Variants in SDK1 observed in about 807,000 individuals in gnomAD.
SDK1 encodes the protein protein sidekick-1.
SDK1 carries 157 observed loss-of-function variants against 245.5 expected under a neutral mutation model. The ratio of observed to expected loss-of-function variants is 0.64; its 90% CI spans 0.56 to 0.73. SDK1 has a LOEUF of 0.73. Ranked by LOEUF, SDK1 falls within the 30% of genes least tolerant of loss-of-function variation. The pLI is 0.00. For missense variants in SDK1, 3,583 were observed against 3,002.3 expected (o/e 1.19, Z -4.52); for synonymous variants, 1,647 against 1,278.5 (o/e 1.29, Z -6.15).
At chr7:3,720,157 G>A (rs1400558360) in intron 4 of SDK1, among the ~76,000 whole-genome samples, 1 of 152,162 alleles carries the variant, frequency 6.6e-6, no homozygotes, top group East Asian at 1.9e-4. Context: ...TCGGGAGGCT[G>A]AGGGAGGGGA....
At chr7:4,140,814 A>G (rs960795979) in intron 28 of SDK1, among the ~76,000 whole-genome samples, 3 of 152,316 alleles carry the variant, frequency 2.0e-5, no homozygotes, top group African/African-American at 7.2e-5. Context: ...AAAAATGATT[A>G]ATAGAGGCCA....
intron 1 of SDK1, among the ~76,000 whole-genome samples, chr7:3,321,783 T>TCCTTCCTTCCTA (rs1779816126): frequency 2.0e-5 from 1 of 49,898 alleles, no homozygotes; most frequent in Admixed American, 2.0e-4. Flanking sequence ...TCCTTCTCCT[T>TCCTTCCTTCCTA]CCTTCCTTCC....
At chr7:3,533,476 G>C (rs919466485) in intron 1 of SDK1, among the ~76,000 whole-genome samples, 1 of 152,168 alleles carries the variant, frequency 6.6e-6, no homozygotes, top group Non-Finnish European at 1.5e-5. Context: ...CAGGCAGTAA[G>C]GGCTTATGTT....
At chr7:4,063,286 A>C (rs1280768249) in intron 19 of SDK1, among the ~76,000 whole-genome samples, 1 of 152,250 alleles carries the variant, frequency 6.6e-6, no homozygotes, top group East Asian at 1.9e-4. Flanking sequence ...AAAAATCAGT[A>C]GCATTTCTAT....
intron 1 of SDK1, among the ~76,000 whole-genome samples, chr7:3,379,961 C>T (rs1432943462): frequency 1.3e-5 from 2 of 152,152 alleles, no homozygotes; most frequent in African/African-American, 4.8e-5. Context: ...AATCCAAAGG[C>T]TCTCTGGTCC....
At chr7:4,258,166 A>G (rs117201852) in intron 44 of SDK1, among the ~76,000 whole-genome samples, 2,768 of 152,302 alleles carry the variant, frequency 0.018, 56 homozygotes, top group South Asian at 0.11. Context: ...CCGTGAAGGA[A>G]ATGGTATAAA....
intron 4 of SDK1, among the ~76,000 whole-genome samples, chr7:3,751,304 C>A (rs1380437917): frequency 6.6e-6 from 1 of 152,166 alleles, no homozygotes; most frequent in African/African-American, 2.4e-5. Context: ...AGGATGATGC[C>A]CCTCTTTACT....
At position 3,517,726 on chromosome 7, in the gene SDK1, G is replaced by T. The variant is rs558597785; in HGVS notation, c.299-101354G>T. Reference sequence around the variant, plus strand: ...CTGTTCTGTGTTGTATCATCTGTTCGCCTTGAATTGTATTGCCACTAGTGC... The same window carrying T: ...CTGTTCTGTGTTGTATCATCTGTTCTCCTTGAATTGTATTGCCACTAGTGC... On this transcript the variant is annotated intron_variant, in intron 1 of 44. Coordinates refer to ENST00000404826, the MANE Select transcript of SDK1 (RefSeq NM_152744.4). Among the ~76,000 whole-genome samples, 19 of 152,144 alleles carry T rather than the reference G, an allele frequency of 1.2e-4. No homozygotes were observed. In the South Asian group the frequency reaches 1.5e-3, roughly 12 times the overall value.
chr7:4,144,344 C>T (rs999470618), intron 28 of SDK1, among the ~76,000 whole-genome samples: 27 of 152,114 alleles, frequency 1.8e-4, no homozygotes, highest in Non-Finnish European at 1.2e-4. Flanking sequence ...GCAGCGGCTG[C>T]GACAGCCACT....
At chr7:3,910,283 A>G (rs1276931630) in intron 5 of SDK1, among the ~76,000 whole-genome samples, 1 of 152,238 alleles carries the variant, frequency 6.6e-6, no homozygotes, top group Non-Finnish European at 1.5e-5. Flanking sequence ...CTGTGCTGCC[A>G]CATCACCACA....
intron 22 of SDK1, among the ~76,000 whole-genome samples, chr7:4,083,113 G>A (rs1428337776): frequency 6.6e-6 from 1 of 152,114 alleles, no homozygotes; most frequent in Non-Finnish European, 1.5e-5. Flanking sequence ...TTGACATACA[G>A]GTTTAAACTG....
At chr7:3,886,851 G>T (rs1233750689) in intron 5 of SDK1, among the ~76,000 whole-genome samples, 1 of 152,124 alleles carries the variant, frequency 6.6e-6, no homozygotes, top group African/African-American at 2.4e-5. Context: ...AGGAGTTTGA[G>T]GTTGCAGTGA....
chr7:3,398,116 CTG>C (rs1452007920), intron 1 of SDK1, among the ~76,000 whole-genome samples: 1 of 151,840 alleles, frequency 6.6e-6, no homozygotes, highest in African/African-American at 2.4e-5. Flanking sequence ...TTTTCTGTAA[CTG>C]TAGGTTTTCT....
At chr7:3,787,489 A>G (rs1452867150) in intron 4 of SDK1, among the ~76,000 whole-genome samples, 1 of 152,166 alleles carries the variant, frequency 6.6e-6, no homozygotes, top group African/African-American at 2.4e-5. Flanking sequence ...AAAAGAGGTA[A>G]ATACCAACAG....
At chr7:3,704,825 T>G (rs575378250) in intron 4 of SDK1, among the ~76,000 whole-genome samples, 2 of 152,338 alleles carry the variant, frequency 1.3e-5, no homozygotes, top group Admixed American at 1.3e-4. Context: ...GTTTCAGGTC[T>G]TAGATTTAAG....
intron 13 of SDK1, among the ~76,000 whole-genome samples, chr7:3,975,570 A>C (rs1782857834): frequency 6.6e-6 from 1 of 152,224 alleles, no homozygotes; most frequent in Non-Finnish European, 1.5e-5. Flanking sequence ...AATGAAAAGA[A>C]TGCTTGCTAA....
chr7:3,497,725 C>T (rs565481176), intron 1 of SDK1, among the ~76,000 whole-genome samples: 1 of 151,990 alleles, frequency 6.6e-6, no homozygotes, highest in Non-Finnish European at 1.5e-5. Flanking sequence ...CTTGATAAAC[C>T]CCTTAGATGC....
chr7:4,069,402 G>A (rs974198189), intron 20 of SDK1, among the ~76,000 whole-genome samples: 4 of 152,234 alleles, frequency 2.6e-5, no homozygotes, highest in Non-Finnish European at 4.4e-5. Flanking sequence ...CTCTCTGGGG[G>A]CTTTGCCTGT....
rs763401193 is a variant in SDK1 at position 3,615,408 on chromosome 7, A to G, written c.299-3672A>G. Reference sequence around the variant, plus strand: ...ATGCAGTTGATATACAGCTTAACGCATGTCAGTTGCAGCAGAAGCAGGCAG... The same window carrying G: ...ATGCAGTTGATATACAGCTTAACGCGTGTCAGTTGCAGCAGAAGCAGGCAG... On this transcript the variant is annotated intron_variant, in intron 1 of 44. Coordinates refer to ENST00000404826, the MANE Select transcript of SDK1 (RefSeq NM_152744.4). Among the ~76,000 whole-genome samples, 4 of 151,704 alleles carry G rather than the reference A, an allele frequency of 2.6e-5. 1 individual carries two copies. The highest frequency in any genetic ancestry group is 5.9e-5 in the Non-Finnish European group (4 of 67,824).
Sources: gnomAD v4.1 joint callset for allele counts (sites outside exome capture counted in the v4.1 genomes callset) on GRCh38, gnomAD v4.1.1 for gene constraint, MANE v1.5 for transcripts, NCBI Gene and HGNC (gene_info 2026-07-23, HGNC 2026-07-21) for gene names.